The following BMP2K variants were observed in gnomAD, a reference collection of about 807,000 sequenced individuals.
The protein encoded by BMP2K is BMP-2-inducible protein kinase.
Under a neutral mutation model 116.0 loss-of-function variants are expected in BMP2K, and 74 were observed. The ratio of observed to expected loss-of-function variants is 0.64; its 90% CI spans 0.53 to 0.77. The LOEUF is 0.77. BMP2K is among the 30% of genes least tolerant of loss of function. The probability of loss-of-function intolerance (pLI) is 0.00; values close to 1 mark genes in which losing one functional copy is unlikely to be tolerated. For missense variants in BMP2K, 1,365 were observed against 1,403.6 expected (o/e 0.97, Z 0.44); for synonymous variants, 486 against 502.5 (o/e 0.97, Z 0.44).
intron 3 of BMP2K, among the ~76,000 whole-genome samples, chr4:78,834,505 C>T (rs1730368459): frequency 6.6e-6 from 1 of 152,134 alleles, no homozygotes; most frequent in Admixed American, 6.5e-5. Flanking sequence ...TCGTGATCCG[C>T]CCGCCTCAGC....
chr4:78,852,895 T>C (rs1446667114), intron 7 of BMP2K, among the ~76,000 whole-genome samples: 1 of 152,186 alleles, frequency 6.6e-6, no homozygotes, highest in African/African-American at 2.4e-5. Context: ...TGAACCACCA[T>C]GTTTGGCCTG....
At chr4:78,785,700 T>C (rs1192796565) in intron 1 of BMP2K, among the ~76,000 whole-genome samples, 1 of 152,180 alleles carries the variant, frequency 6.6e-6, no homozygotes, top group Non-Finnish European at 1.5e-5. Context: ...TCTGATGAAG[T>C]TTACAGATAC....
chr4:78,781,616 G>A (rs180997875), intron 1 of BMP2K, among the ~76,000 whole-genome samples: 2 of 152,220 alleles, frequency 1.3e-5, no homozygotes, highest in East Asian at 3.9e-4. Context: ...GTTATTTAAA[G>A]CCCTGGGAGA....
At chr4:78,907,115 AAC>A (rs1734326197) in intron 15 of BMP2K, among the ~76,000 whole-genome samples, 1 of 152,218 alleles carries the variant, frequency 6.6e-6, no homozygotes, top group African/African-American at 2.4e-5. Flanking sequence ...CTAAATAGTG[AAC>A]AGTTATATAT....
intron 1 of BMP2K, among the ~76,000 whole-genome samples, chr4:78,783,806 AAAATAAAT>A (rs886454344): frequency 1.3e-5 from 2 of 151,868 alleles, no homozygotes; most frequent in South Asian, 2.1e-4. Context: ...ACGCTGTCTC[AAAATAAAT>A]AAATAAATAA....
Position 78,872,763 on chromosome 4 carries a change from T to C in BMP2K, c.1758T>C (p.Val586=). 6.2e-7 allele frequency: 1 copy of C among 1,614,146 alleles called. No individual in the cohort carries two copies. The highest frequency in any genetic ancestry group is 8.5e-7 in the Non-Finnish European group (1 of 1,179,974). ...VSYTSSLPAQ[V]GTIMDSSYSA... ...ACACTTCATCACTTCCAGCTCAGGTTGGAACCATAATGGACTCCTCCTATA... is the reference window on the plus strand; with the variant it reads ...ACACTTCATCACTTCCAGCTCAGGTCGGAACCATAATGGACTCCTCCTATA... The change falls in exon 13 of 16, where the codon GTT becomes GTC. Residue 586 remains valine, a synonymous_variant. Transcript: ENST00000502613.
At chr4:78,859,385 C>A (rs1055970806) in intron 7 of BMP2K, 199 bp from the exon 8 acceptor site, 3 of 392,682 alleles carry the variant, frequency 7.6e-6, no homozygotes, top group African/African-American at 6.3e-5. Flanking sequence ...TGTGATTGAT[C>A]TACCCTTAGC....
chr4:78,826,097 G>A lies in BMP2K; in HGVS notation c.239G>A (p.Arg80Gln), dbSNP rs200424874. The A allele has an allele frequency of 1.1e-5, 18 of 1,614,016 alleles. No individual in the cohort carries two copies. The highest frequency in any genetic ancestry group is 3.3e-5 in the Admixed American group (2 of 60,002). ...GGTGGAATCCGATGTGCATTGAAGCGAATGTATGTCAATAACATGCCAGAC... is the reference window on the plus strand; with the variant it reads ...GGTGGAATCCGATGTGCATTGAAGCAAATGTATGTCAATAACATGCCAGAC... The part of the protein sequence containing the change: ...THGGIRCALK[R>Q]MYVNNMPDLN... The change falls in exon 2 of 16, where the codon CGA (arginine) becomes CAA (glutamine). Residue 80 changes from arginine to glutamine, a missense_variant. Coordinates refer to ENST00000502613, the MANE Select transcript of BMP2K (RefSeq NM_198892.2).
chr4:78,897,589 G>A (rs1006401937), intron 15 of BMP2K, among the ~76,000 whole-genome samples: 3 of 152,010 alleles, frequency 2.0e-5, no homozygotes, highest in Admixed American at 1.3e-4. Context: ...ATTTATACCT[G>A]TTAAGCATAG....
chr4:78,838,498 A>G (rs1421467160), intron 3 of BMP2K, among the ~76,000 whole-genome samples: 2 of 152,234 alleles, frequency 1.3e-5, no homozygotes, highest in Non-Finnish European at 2.9e-5. Flanking sequence ...TGGAGTATGC[A>G]TGATATCTTT....
At chr4:78,791,242 G>A (rs1430964116) in intron 1 of BMP2K, among the ~76,000 whole-genome samples, 1 of 152,138 alleles carries the variant, frequency 6.6e-6, no homozygotes, top group East Asian at 1.9e-4. Context: ...AGTGTGGTAT[G>A]TGGACCCCAA....
intron 11 of BMP2K, 132 bp downstream of exon 11, chr4:78,871,192 A>G: frequency 1.4e-6 from 2 of 1,456,556 alleles, no homozygotes; most frequent in Admixed American, 2.1e-5. Context: ...CCAATTTTCT[A>G]ATTATGAAAG....
rs1734909725 is a variant in BMP2K, at chr4:78,914,844, T to C, written c.*2811T>C. The C allele has an allele frequency of 6.6e-6, 1 of 151,900 alleles. No homozygotes were observed. Among genetic ancestry groups the C allele is most frequent in the Non-Finnish European group, 1.5e-5 (1 of 67,896 alleles). 9.4% of individuals were successfully genotyped at this position (151,900 alleles called of 1,614,324 possible). ...TTGAACATCACTAAGAGAAGTAAAT[T>C]ATTATGAAGCTAGCAAAAATCTTGA... On this transcript the variant is annotated 3_prime_UTR_variant, in exon 16 of 16. Transcript: ENST00000502613.
At position 78,776,526 on chromosome 4, in the gene BMP2K, C is replaced by T. The variant is rs1018202372; in HGVS notation, c.-18C>T. Reference sequence around the variant, plus strand: ...GCCCTTGCACGCTCCCTGCGCCCTCCAGCTCGCCGGCGGGACCATGAAGAA... The same window carrying T: ...GCCCTTGCACGCTCCCTGCGCCCTCTAGCTCGCCGGCGGGACCATGAAGAA... On this transcript the variant is annotated 5_prime_UTR_variant, in exon 1 of 16. Coordinates refer to ENST00000502613, the MANE Select transcript of BMP2K (RefSeq NM_198892.2). The T allele has an allele frequency of 3.8e-5, 43 of 1,140,016 alleles. No homozygotes were observed. Among genetic ancestry groups the T allele is most frequent in the Non-Finnish European group, 4.6e-5 (43 of 925,914 alleles). 70.6% of individuals were successfully genotyped at this position (1,140,016 alleles called of 1,614,324 possible). A position where few individuals can be genotyped will look rare whatever the true frequency, so the allele number is the denominator to read the frequency against.
chr4:78,861,537 A>G (rs1017339129), intron 9 of BMP2K, 69 bp downstream of exon 9: 2 of 1,246,556 alleles, frequency 1.6e-6, no homozygotes, highest in Non-Finnish European at 2.3e-6. Flanking sequence ...TAATCCTAGC[A>G]AGTGTAATTG....
intron 13 of BMP2K, among the ~76,000 whole-genome samples, chr4:78,877,376 C>G (rs1732681591): frequency 6.6e-6 from 1 of 152,062 alleles, no homozygotes; most frequent in Admixed American, 6.6e-5. Context: ...TCTTTATATT[C>G]TTATTCTATA....
intron 2 of BMP2K, among the ~76,000 whole-genome samples, chr4:78,828,567 G>C (rs1729993601): frequency 6.6e-6 from 1 of 152,174 alleles, no homozygotes; most frequent in Non-Finnish European, 1.5e-5. Context: ...TGGGGCAGGT[G>C]AAAGGAGGGC....
rs149761864 is a variant in BMP2K, at chr4:78,846,915, G to A, written c.669-273G>A. On this transcript the variant is annotated intron_variant, in intron 5 of 15. Transcript: ENST00000502613. ...CAAGGAAAACTGTTTCCAATATATT[G>A]TCATTATTTCAGATTTTTATAATAA... Among the ~76,000 whole-genome samples the A allele has an allele frequency of 1.1e-3, 167 of 151,324 alleles. 4 individuals are homozygous for A. The South Asian group carries it at 0.011, about 10-fold the overall frequency.
Position 78,913,707 on chromosome 4 carries a change from T to C in BMP2K, c.*1674T>C, listed in dbSNP as rs549844286. ...TGAACTTGGAAAGAAGCAAAGTATA[T>C]GTAACTAAACCACATATTTGTCTTT... On this transcript the variant is annotated 3_prime_UTR_variant, in exon 16 of 16. Coordinates refer to ENST00000502613, the MANE Select transcript of BMP2K (RefSeq NM_198892.2). The C allele has an allele frequency of 6.6e-6, 1 of 152,304 alleles. No individual in the cohort carries two copies. The highest frequency in any genetic ancestry group is 2.4e-5 in the African/African-American group (1 of 41,588). The allele number at this position is 152,304 out of a possible 1,614,324, so 9.4% of individuals were successfully genotyped here.
Sources: gnomAD v4.1 joint callset for allele counts (sites outside exome capture counted in the v4.1 genomes callset) on GRCh38, gnomAD v4.1.1 for gene constraint, MANE v1.5 for transcripts, NCBI Gene and HGNC (gene_info 2026-07-23, HGNC 2026-07-21) for gene names.